The following PPP2R2C variants were observed in gnomAD, a reference collection of about 807,000 sequenced individuals.
PPP2R2C encodes the protein protein phosphatase 2 regulatory subunit Bgamma.
Under a neutral mutation model 45.3 loss-of-function variants are expected in PPP2R2C, and 10 were observed. The observed-to-expected ratio is 0.22, with a 90% CI of 0.14 to 0.37. The LOEUF is 0.37. PPP2R2C is among the 10% of genes least tolerant of loss of function. The pLI is 1.00. For synonymous variants in PPP2R2C, 257 were observed against 245.4 expected (o/e 1.05, Z -0.44); for missense variants, 308 against 619.7 (o/e 0.50, Z 5.34).
chr4:6,494,518 C>T (rs62286090), intron 2 of PPP2R2C, among the ~76,000 whole-genome samples: 83,770 of 152,136 alleles, frequency 0.55, 24,602 homozygotes, highest in Non-Finnish European at 0.67. Context: ...GTCTCCGAGA[C>T]GGAGGGCCAC....
At chr4:6,456,448 A>G (rs1205091725) in intron 1 of PPP2R2C, among the ~76,000 whole-genome samples, 2 of 152,206 alleles carry the variant, frequency 1.3e-5, no homozygotes, top group African/African-American at 4.8e-5. Context: ...ACGATATGGG[A>G]CACATTATCA....
chr4:6,346,058 C>T (rs567368019), intron 6 of PPP2R2C, among the ~76,000 whole-genome samples: 4 of 152,282 alleles, frequency 2.6e-5, no homozygotes, highest in Non-Finnish European at 5.9e-5. Flanking sequence ...GAGTCACGCC[C>T]CACAAGGCAA....
intron 1 of PPP2R2C, chr4:6,421,057 A>G: frequency 2.0e-6 from 2 of 985,162 alleles, no homozygotes; most frequent in Non-Finnish European, 2.4e-6. Flanking sequence ...CCTTCTTCCT[A>G]TTTGGGGTGT....
At position 6,323,240 on chromosome 4, in the gene PPP2R2C, G is replaced by A. The variant is rs1490857885; in HGVS notation, c.*62C>T. The A allele has an allele frequency of 2.0e-6, 3 of 1,529,642 alleles. No homozygotes were observed. The highest frequency in any genetic ancestry group is 2.3e-5 in the East Asian group (1 of 43,716). The allele number at this position is 1,529,642 out of a possible 1,614,324, so 94.8% of individuals were successfully genotyped here. A position where few individuals can be genotyped will look rare whatever the true frequency, so the allele number is the denominator to read the frequency against. ...CTTCCCCTCCTTGCATTGCGGTCGTGAAGGTCATGTCGGGGATGACTTGCA... is the reference window on the plus strand; with the variant it reads ...CTTCCCCTCCTTGCATTGCGGTCGTAAAGGTCATGTCGGGGATGACTTGCA... On this transcript the variant is annotated 3_prime_UTR_variant, in exon 9 of 9. Transcript: ENST00000382599.
chr4:6,414,787 G>C (rs1718459018), intron 1 of PPP2R2C, among the ~76,000 whole-genome samples: 1 of 152,122 alleles, frequency 6.6e-6, no homozygotes, highest in Non-Finnish European at 1.5e-5. Flanking sequence ...ACTCCTTCCT[G>C]GCTGTGCAAC....
At chr4:6,457,959 C>T (rs971669030) in intron 1 of PPP2R2C, among the ~76,000 whole-genome samples, 3 of 152,210 alleles carry the variant, frequency 2.0e-5, no homozygotes, top group African/African-American at 7.2e-5. Flanking sequence ...TTCCCAGCCT[C>T]GCTTCCTCTG....
Position 6,333,575 on chromosome 4 carries a change from A to G in PPP2R2C, c.947T>C (p.Ile316Thr), listed in dbSNP as rs753771610. ...TGTGGTGCCCACCTGGTAGGTCTCT[A>G]TGGGTCTTGCCTCCATGTTCAGGTC... ...VWDLNMEARP[I>T]ETYQVHDYLR... is the part of the protein sequence containing the mutation. The change falls in exon 7 of 9, where the codon ATA becomes ACA. Residue 316 changes from isoleucine to threonine, a missense_variant. Transcript: ENST00000382599. 4.3e-6 allele frequency: 7 copies of G among 1,613,954 alleles called. No homozygotes were observed. Among genetic ancestry groups the G allele is most frequent in the South Asian group, 1.1e-5 (1 of 91,070 alleles).
chr4:6,512,107 G>A (rs1348015444), intron 2 of PPP2R2C, among the ~76,000 whole-genome samples: 5 of 53,102 alleles, frequency 9.4e-5, no homozygotes, highest in Non-Finnish European at 1.1e-4. Flanking sequence ...GGTGGTGGTG[G>A]TGGTGATGGT....
At chr4:6,375,741 C>G (rs749763882) in intron 4 of PPP2R2C, 78 bp downstream of exon 4, 132 of 1,276,888 alleles carry the variant, frequency 1.0e-4, no homozygotes, top group Non-Finnish European at 1.4e-4. Context: ...TGGCTCAAAT[C>G]TCAAAGGCTT....
chr4:6,409,687 C>G (rs541324269), intron 1 of PPP2R2C, among the ~76,000 whole-genome samples: 47 of 152,270 alleles, frequency 3.1e-4, no homozygotes, highest in African/African-American at 1.1e-3. Context: ...CTGCCACCCC[C>G]CCATATCCCA....
chr4:6,524,784 A>T (rs147724943), intron 2 of PPP2R2C, among the ~76,000 whole-genome samples: 1 of 152,312 alleles, frequency 6.6e-6, no homozygotes, highest in Non-Finnish European at 1.5e-5. Flanking sequence ...GCTAAATTTC[A>T]TTTAGTTTGA....
chr4:6,500,763 C>CAAACA (rs1300829238), intron 2 of PPP2R2C, among the ~76,000 whole-genome samples: 1 of 152,242 alleles, frequency 6.6e-6, no homozygotes, highest in Non-Finnish European at 1.5e-5. Flanking sequence ...CCTGTAGGTG[C>CAAACA]CCCAGGATTA....
intron 4 of PPP2R2C, among the ~76,000 whole-genome samples, chr4:6,374,354 TAA>T (rs1715125816): frequency 6.6e-6 from 1 of 152,084 alleles, no homozygotes; most frequent in African/African-American, 2.4e-5. Context: ...AGTTTTTTAG[TAA>T]AGAGAAGAAG....
chr4:6,547,704 G>T (rs1206044710), intron 1 of PPP2R2C, among the ~76,000 whole-genome samples: 1 of 152,174 alleles, frequency 6.6e-6, no homozygotes, highest in Non-Finnish European at 1.5e-5. Context: ...TGGGCCTGGG[G>T]CAGGTGCAAA....
At chr4:6,447,317 T>C (rs1337752781) in intron 1 of PPP2R2C, among the ~76,000 whole-genome samples, 1 of 152,046 alleles carries the variant, frequency 6.6e-6, no homozygotes, top group Non-Finnish European at 1.5e-5. Context: ...CCAACTCCCA[T>C]TATACAAGTG....
At chr4:6,527,373 G>A (rs1270807778) in intron 2 of PPP2R2C, among the ~76,000 whole-genome samples, 1 of 152,100 alleles carries the variant, frequency 6.6e-6, no homozygotes, top group African/African-American at 2.4e-5. Flanking sequence ...GAGCTGCTGT[G>A]CACCCCTGAG....
intron 1 of PPP2R2C, among the ~76,000 whole-genome samples, chr4:6,422,025 C>T (rs1191111000): frequency 1.3e-5 from 2 of 151,444 alleles, no homozygotes; most frequent in South Asian, 2.1e-4. Context: ...GCCCCTGAGA[C>T]GCTGCAGCCG....
chr4:6,364,244 G>T lies in PPP2R2C; in HGVS notation c.625+8279C>A, dbSNP rs963445218. 2.6e-5 allele frequency among the ~76,000 whole-genome samples: 4 copies of T among 152,218 alleles called. No individual in the cohort carries two copies. The highest frequency in any genetic ancestry group is 5.9e-5 in the Non-Finnish European group (4 of 68,044). ...TGGATGAGGATGGAGAAACTTCACA[G>T]GCGGAGGGAACAGCCAGTGCAAAAT... is the stretch of plus-strand genomic sequence containing the variant. On this transcript the variant is annotated intron_variant, in intron 5 of 8. Transcript: ENST00000382599. This position sits in a 1 kb window ranked among gnomAD's most constrained non-coding sequence, Gnocchi z 5.3.
chr4:6,355,614 T>C (rs1577100427), intron 5 of PPP2R2C, among the ~76,000 whole-genome samples: 1 of 140,978 alleles, frequency 7.1e-6, no homozygotes, highest in South Asian at 2.3e-4. Flanking sequence ...TTTTTAGGAG[T>C]GGATCGTCAC....
Sources: allele counts gnomAD v4.1 joint callset (sites outside exome capture counted in the v4.1 genomes callset), GRCh38; gene constraint gnomAD v4.1.1; non-coding constraint Gnocchi (gnomAD v3.1); transcripts MANE v1.5; gene names NCBI Gene and HGNC (gene_info 2026-07-23, HGNC 2026-07-21).